Variants in RIC8B observed in about 807,000 individuals in gnomAD.
The protein encoded by RIC8B is chaperone Ric-8B.
Under a neutral mutation model 57.5 loss-of-function variants are expected in RIC8B, and 16 were observed. The ratio of observed to expected loss-of-function variants is 0.28; its 90% confidence interval spans 0.19 to 0.42. The LOEUF (loss-of-function observed/expected upper bound fraction) is 0.42, where lower values mean the gene tolerates loss of function less well. Among genes scored for constraint, RIC8B ranks in the 10% least tolerant of loss-of-function variants. The probability of loss-of-function intolerance (pLI) is 1.00; values close to 1 mark genes in which losing one functional copy is unlikely to be tolerated. For missense variants in RIC8B, 481 were observed against 677.0 expected, an observed-to-expected ratio of 0.71 and a Z score of 3.21; for synonymous variants, 216 against 250.8, an observed-to-expected ratio of 0.86 and a Z score of 1.31.
intron 1 of RIC8B, among the ~76,000 whole-genome samples, chr12:106,776,730 A>T (rs541108155): frequency 1.1e-4 from 17 of 152,256 alleles, no homozygotes; most frequent in African/African-American, 3.9e-4. Flanking sequence ...AATGTTTTTA[A>T]GGTTGTTTTG....
At chr12:106,803,644 C>G (rs2044855801) in intron 2 of RIC8B, among the ~76,000 whole-genome samples, 1 of 152,122 alleles carries the variant, frequency 6.6e-6, no homozygotes, top group South Asian at 2.1e-4. Context: ...CAATTATTGG[C>G]CCATTTTTAT....
At chr12:106,877,862 T>C (rs1294239643) in intron 9 of RIC8B, among the ~76,000 whole-genome samples, 1 of 152,144 alleles carries the variant, frequency 6.6e-6, no homozygotes, top group Non-Finnish European at 1.5e-5. Flanking sequence ...TAAGTGTATT[T>C]TATGTGACGC....
At chr12:106,778,593 A>G (rs148663403) in intron 1 of RIC8B, among the ~76,000 whole-genome samples, 1 of 152,264 alleles carries the variant, frequency 6.6e-6, no homozygotes, top group East Asian at 1.9e-4. Context: ...TAATCCTCTT[A>G]TATTAAAACT....
At chr12:106,878,846 C>G in intron 9 of RIC8B, 6 of 245,482 alleles carry the variant, frequency 2.4e-5, no homozygotes, top group South Asian at 1.7e-4. Flanking sequence ...TTCTTCTTTT[C>G]TAATCATAGA....
At chr12:106,787,921 C>T (rs188644467) in intron 2 of RIC8B, among the ~76,000 whole-genome samples, 2 of 152,160 alleles carry the variant, frequency 1.3e-5, no homozygotes, top group African/African-American at 4.8e-5. Context: ...TTCCAACAGT[C>T]CCCCAAAGTC....
chr12:106,836,872 A>T (rs745660038), intron 4 of RIC8B, among the ~76,000 whole-genome samples: 1 of 151,816 alleles, frequency 6.6e-6, no homozygotes, highest in Non-Finnish European at 1.5e-5. Context: ...GTCATATCCT[A>T]CTCCTCTTAT....
Position 106,774,741 on chromosome 12 carries a change from C to A in RIC8B, c.-5C>A. ...AGCGGCCGCGGCTCCCCCGCACCTG[C>A]GGCCATGGATGAGGAGCGCGCCCTC... On this transcript the variant is annotated 5_prime_UTR_variant, in exon 1 of 10. Coordinates refer to ENST00000392837, the MANE Select transcript of RIC8B (RefSeq NM_001330145.2). 1 of 1,548,264 alleles carries A rather than the reference C, an allele frequency of 6.5e-7. No individual in the cohort carries two copies. The highest frequency in any genetic ancestry group is 1.2e-5 in the South Asian group (1 of 83,858).
intron 7 of RIC8B, among the ~76,000 whole-genome samples, chr12:106,857,773 A>G (rs1261441633): frequency 6.6e-6 from 1 of 152,184 alleles, no homozygotes; most frequent in Non-Finnish European, 1.5e-5. Context: ...TTGAAAACAG[A>G]CTTAAAAGTA....
chr12:106,801,737 T>A (rs1046123290), intron 2 of RIC8B, among the ~76,000 whole-genome samples: 14 of 152,216 alleles, frequency 9.2e-5, no homozygotes, highest in African/African-American at 2.9e-4. Flanking sequence ...GAACCTTTAT[T>A]AAAAACATAT....
chr12:106,845,417 CTT>C (rs980507266), intron 6 of RIC8B, among the ~76,000 whole-genome samples: 41 of 152,222 alleles, frequency 2.7e-4, no homozygotes, highest in African/African-American at 9.6e-4. Flanking sequence ...TAAGAAAAAA[CTT>C]TATCTTTCCA....
At chr12:106,860,213 T>C (rs370288756) in intron 7 of RIC8B, 55 bp from the exon 8 acceptor site, 9 of 1,418,584 alleles carry the variant, frequency 6.3e-6, no homozygotes, top group Non-Finnish European at 8.4e-6. Context: ...GAGTGGTTGA[T>C]GATGATGGTG....
intron 9 of RIC8B, among the ~76,000 whole-genome samples, chr12:106,882,317 A>G (rs1487727028): frequency 6.6e-6 from 1 of 152,184 alleles, no homozygotes; most frequent in East Asian, 1.9e-4. Flanking sequence ...ACAGAGAAGG[A>G]AATTGGAATT....
At chr12:106,786,245 G>T (rs1322650930) in intron 2 of RIC8B, among the ~76,000 whole-genome samples, 4 of 149,800 alleles carry the variant, frequency 2.7e-5, no homozygotes, top group Non-Finnish European at 5.9e-5. Context: ...CGCCTCCCAG[G>T]TTCATGCCAT....
intron 5 of RIC8B, among the ~76,000 whole-genome samples, chr12:106,843,141 A>G (rs948305453): frequency 6.6e-6 from 1 of 152,172 alleles, no homozygotes; most frequent in Non-Finnish European, 1.5e-5. Flanking sequence ...TATCCCCCCA[A>G]AAACTTGCTA....
intron 9 of RIC8B, among the ~76,000 whole-genome samples, chr12:106,872,506 T>C (rs1335063736): frequency 6.6e-6 from 1 of 151,938 alleles, no homozygotes; most frequent in African/African-American, 2.4e-5. Context: ...CTGTCTCTAC[T>C]GAAAATACAA....
chr12:106,794,988 C>T (rs953186888), intron 2 of RIC8B, among the ~76,000 whole-genome samples: 1 of 152,154 alleles, frequency 6.6e-6, no homozygotes, highest in Non-Finnish European at 1.5e-5. Flanking sequence ...ATGTAATACA[C>T]TTGCCAAAAA....
rs190289837 is a variant in RIC8B at position 106,823,974 on chromosome 12, C to T, written c.742-1752C>T. Among the ~76,000 whole-genome samples the T allele has an allele frequency of 2.8e-3, 427 of 152,290 alleles. 3 individuals are homozygous for T. Among genetic ancestry groups the T allele is most frequent in the African/African-American group, 9.4e-3 (390 of 41,556 alleles). On this transcript the variant is annotated intron_variant, in intron 3 of 9. Coordinates refer to ENST00000392837, the MANE Select transcript of RIC8B (RefSeq NM_001330145.2). The stretch of plus-strand genomic sequence containing the variant: ...GTGCTGGGATTACAGGCATGAACCA[C>T]GGCACCCGACTCGTATGAGAGAATT...
In RIC8B at chr12:106,879,903, G is replaced by T. The variant is rs974279898; in HGVS notation, c.1572-6001G>T. On this transcript the variant is annotated intron_variant, in intron 9 of 9. Transcript: ENST00000392837. The surrounding 1 kb of genome is among the most constrained non-coding windows in gnomAD (Gnocchi z 4.9). Reference sequence around the variant, plus strand: ...TAGACACCACTGTACTTTTTGATACGAGGGCAGTCTTAACTTGTGTTAAGG... The same window carrying T: ...TAGACACCACTGTACTTTTTGATACTAGGGCAGTCTTAACTTGTGTTAAGG... The T allele has an allele frequency of 1.0e-6, 1 of 985,272 alleles. No individual in the cohort carries two copies. The highest frequency in any genetic ancestry group is 1.2e-6 in the Non-Finnish European group (1 of 829,928). The allele number at this position is 985,272 out of a possible 1,614,324, so 61.0% of individuals were successfully genotyped here. A position where few individuals can be genotyped will look rare whatever the true frequency, so the allele number is the denominator to read the frequency against.
chr12:106,828,817 C>T (rs893567254), intron 4 of RIC8B, among the ~76,000 whole-genome samples: 6 of 152,032 alleles, frequency 3.9e-5, no homozygotes, highest in East Asian at 1.9e-4. Flanking sequence ...GATTTTGATA[C>T]GCTGTTTAGG....
Sources: gnomAD v4.1 joint callset for allele counts (sites outside exome capture counted in the v4.1 genomes callset) on GRCh38, gnomAD v4.1.1 for gene constraint, Gnocchi (gnomAD v3.1) non-coding constraint, MANE v1.5 for transcripts, NCBI Gene and HGNC (gene_info 2026-07-23, HGNC 2026-07-21) for gene names.